CAMTA1: variants seen among roughly 807,000 people sequenced by gnomAD.
The protein encoded by CAMTA1 is calmodulin binding transcription activator 1, also known as calmodulin-binding transcription activator 1.
In CAMTA1, 27 loss-of-function variants were observed where a neutral mutation model predicts 170.9. That is an observed-to-expected ratio of 0.16 (90% CI 0.12 to 0.22). The LOEUF (loss-of-function observed/expected upper bound fraction) is 0.22, where lower values mean the gene tolerates loss of function less well. Ranked by LOEUF, CAMTA1 falls within the 10% of genes least tolerant of loss-of-function variation. The pLI is 1.00. For synonymous variants in CAMTA1, 833 were observed against 891.5 expected (o/e 0.93, Z 1.17); for missense variants, 1,619 against 2,217.2 (o/e 0.73, Z 5.42).
At position 7,738,977 on chromosome 1, in the gene CAMTA1, C is replaced by G. The variant is rs2096790706; in HGVS notation, c.4182+495C>G. 6.6e-6 allele frequency among the ~76,000 whole-genome samples: 1 copy of G among 152,100 alleles called. No homozygotes were observed. Among genetic ancestry groups the G allele is most frequent in the South Asian group, 2.1e-4 (1 of 4,824 alleles). ...GCTCTCACGAGGGCAGCGAAATATT[C>G]CTGAAGCTGATAATTGATTGCCCTT... On this transcript the variant is annotated intron_variant, in intron 16 of 22. Coordinates refer to ENST00000303635, the MANE Select transcript of CAMTA1 (RefSeq NM_015215.4). This position sits in a 1 kb window ranked among gnomAD's most constrained non-coding sequence, Gnocchi z 4.9.
At chr1:7,137,487 G>A (rs1453408161) in intron 4 of CAMTA1, among the ~76,000 whole-genome samples, 1 of 152,142 alleles carries the variant, frequency 6.6e-6, no homozygotes, top group African/African-American at 2.4e-5. Flanking sequence ...TGTGCTAACT[G>A]GTCTTATTTT....
chr1:7,669,806 A>G (rs1482078699), intron 9 of CAMTA1, among the ~76,000 whole-genome samples: 1 of 152,170 alleles, frequency 6.6e-6, no homozygotes, highest in Non-Finnish European at 1.5e-5. Context: ...CCTCATCCCC[A>G]GGGAGAGCCT....
intron 6 of CAMTA1, among the ~76,000 whole-genome samples, chr1:7,500,968 G>A (rs1272512965): frequency 6.6e-6 from 1 of 152,166 alleles, no homozygotes; most frequent in African/African-American, 2.4e-5. Context: ...CCCAGGCCGA[G>A]AGCCATCCCC....
Position 7,007,989 on chromosome 1 carries a change from A to G in CAMTA1, c.235-83315A>G, listed in dbSNP as rs1699254328. Among the ~76,000 whole-genome samples the G allele has an allele frequency of 6.6e-6, 1 of 152,180 alleles. No individual in the cohort carries two copies. The highest frequency in any genetic ancestry group is 6.5e-5 in the Admixed American group (1 of 15,276). ...CCGTGTTGGTGCCCTGTCCTCATCC[A>G]GTGGGAGGGGAGGAGAGACCTGGAA... On this transcript the variant is annotated intron_variant, in intron 3 of 22. Coordinates refer to ENST00000303635, the MANE Select transcript of CAMTA1 (RefSeq NM_015215.4). The surrounding 1 kb of genome is among the most constrained non-coding windows in gnomAD (Gnocchi z 4.5).
chr1:7,375,475 G>T (rs1366504840), intron 5 of CAMTA1, among the ~76,000 whole-genome samples: 1 of 152,216 alleles, frequency 6.6e-6, no homozygotes, highest in African/African-American at 2.4e-5. Context: ...CACTCACCTG[G>T]TTGCCACTGG....
chr1:7,246,264 C>T (rs1354660715), intron 4 of CAMTA1, among the ~76,000 whole-genome samples: 2 of 152,178 alleles, frequency 1.3e-5, no homozygotes, highest in African/African-American at 2.4e-5. Context: ...TAATACCTAC[C>T]TCATAGGGTG....
intron 5 of CAMTA1, among the ~76,000 whole-genome samples, chr1:7,406,433 G>A (rs1036537514): frequency 6.6e-6 from 1 of 152,168 alleles, no homozygotes; most frequent in African/African-American, 2.4e-5. Flanking sequence ...ATGAACAATC[G>A]GGATAGGGAA....
chr1:7,691,858 C>T (rs2096316990), intron 11 of CAMTA1, among the ~76,000 whole-genome samples: 1 of 152,042 alleles, frequency 6.6e-6, no homozygotes, highest in Non-Finnish European at 1.5e-5. Flanking sequence ...TGCTGAGTCC[C>T]AAGGCCAAGA....
intron 5 of CAMTA1, among the ~76,000 whole-genome samples, chr1:7,254,322 G>T (rs1008331301): frequency 5.3e-5 from 8 of 150,714 alleles, no homozygotes; most frequent in Non-Finnish European, 4.4e-5. Context: ...ACCAGTGGGT[G>T]GTCACAGCAC....
At chr1:7,410,901 GT>G (rs2090669927) in intron 5 of CAMTA1, among the ~76,000 whole-genome samples, 2 of 10,556 alleles carry the variant, frequency 1.9e-4, no homozygotes, top group African/African-American at 1.9e-3. Context: ...GGGCGTCTGT[GT>G]GTGTGTGTGT....
In CAMTA1 at chr1:7,697,318, C is replaced by T. The variant is rs116349049; in HGVS notation, c.2914+19585C>T. ...GTTTATTATCCAACTTCATCCCGGC[C>T]GTATTCCAGATCTTTCCATCCCCAT... On this transcript the variant is annotated intron_variant, in intron 11 of 22. Coordinates refer to ENST00000303635, the MANE Select transcript of CAMTA1 (RefSeq NM_015215.4). 5.8e-3 allele frequency among the ~76,000 whole-genome samples: 888 copies of T among 152,308 alleles called. 10 individuals carry two copies. Among genetic ancestry groups the T allele is most frequent in the African/African-American group, 0.02 (837 of 41,566 alleles).
At chr1:7,202,777 T>G (rs1336778238) in intron 4 of CAMTA1, among the ~76,000 whole-genome samples, 1 of 152,200 alleles carries the variant, frequency 6.6e-6, no homozygotes. Flanking sequence ...ATAGTGTTTT[T>G]TAGTGGATTC....
intron 5 of CAMTA1, among the ~76,000 whole-genome samples, chr1:7,360,676 C>T (rs1182919839): frequency 6.6e-6 from 1 of 152,206 alleles, no homozygotes; most frequent in East Asian, 1.9e-4. Context: ...AGAGCTGTTT[C>T]TTTTCACCCT....
rs962294693 is a variant in CAMTA1, at chr1:7,592,410, C to T, written c.511-47990C>T. 3.3e-5 allele frequency among the ~76,000 whole-genome samples: 5 copies of T among 152,150 alleles called. No homozygotes were observed. Among genetic ancestry groups the T allele is most frequent in the African/African-American group, 1.2e-4 (5 of 41,436 alleles). On this transcript the variant is annotated intron_variant, in intron 6 of 22. Coordinates refer to ENST00000303635, the MANE Select transcript of CAMTA1 (RefSeq NM_015215.4). This position sits in a 1 kb window ranked among gnomAD's most constrained non-coding sequence, Gnocchi z 4.6. ...GGGTCTGTTGGATCCTGGCACCTTG[C>T]AGTAGTGTTGCCCGCTTCCTAACAG...
At chr1:6,902,072 C>CACA (rs3986505) in intron 3 of CAMTA1, among the ~76,000 whole-genome samples, 70 of 88,488 alleles carry the variant, frequency 7.9e-4, no homozygotes, top group East Asian at 3.9e-3. Flanking sequence ...CACACACACA[C>CACA]AAAAAAAAAA....
intron 5 of CAMTA1, among the ~76,000 whole-genome samples, chr1:7,334,465 C>T (rs778408258): frequency 5.3e-5 from 8 of 152,172 alleles, no homozygotes; most frequent in African/African-American, 1.2e-4. Context: ...TTCTGCTTAC[C>T]CTAGCATGTA....
In CAMTA1 at chr1:7,716,040, A is replaced by G. The variant is rs115868143; in HGVS notation, c.2915-16408A>G. Among the ~76,000 whole-genome samples the G allele has an allele frequency of 8.4e-4, 128 of 152,192 alleles. 1 individual carries two copies. Among genetic ancestry groups the G allele is most frequent in the African/African-American group, 2.9e-3 (120 of 41,530 alleles). Reference sequence around the variant, plus strand: ...TTATAAAATTGTTTTGCTTTGTTTTATTTTGTTTTTGAAACAGGGTCTCAC... The same window carrying G: ...TTATAAAATTGTTTTGCTTTGTTTTGTTTTGTTTTTGAAACAGGGTCTCAC... On this transcript the variant is annotated intron_variant, in intron 11 of 22. Coordinates refer to ENST00000303635, the MANE Select transcript of CAMTA1 (RefSeq NM_015215.4).
chr1:7,243,392 A>G (rs912105992), intron 4 of CAMTA1, among the ~76,000 whole-genome samples: 1 of 152,166 alleles, frequency 6.6e-6, no homozygotes, highest in African/African-American at 2.4e-5. Context: ...TCCATCTTGA[A>G]TTAATTTTTG....
intron 4 of CAMTA1, among the ~76,000 whole-genome samples, chr1:7,126,569 A>G (rs571936073): frequency 6.6e-6 from 1 of 152,368 alleles, no homozygotes; most frequent in East Asian, 1.9e-4. Flanking sequence ...AATGATTCAC[A>G]TTAAAAATAC....
Sources: allele counts gnomAD v4.1 joint callset (sites outside exome capture counted in the v4.1 genomes callset), GRCh38; gene constraint gnomAD v4.1.1; non-coding constraint Gnocchi (gnomAD v3.1); transcripts MANE v1.5; gene names NCBI Gene and HGNC (gene_info 2026-07-23, HGNC 2026-07-21).